Variants in ADSL observed in about 807,000 individuals in gnomAD.
ADSL encodes adenylosuccinate lyase.
Under a neutral mutation model 62.1 loss-of-function variants are expected in ADSL, and 44 were observed. The ratio of observed to expected loss-of-function variants is 0.71; its 90% CI spans 0.56 to 0.91. ADSL has a LOEUF of 0.91. Ranked by LOEUF, ADSL falls within the 40% of genes least tolerant of loss-of-function variation. The pLI, the probability that ADSL is intolerant of heterozygous loss-of-function variation, is 0.00. For synonymous variants in ADSL, 198 were observed against 220.5 expected, an observed-to-expected ratio of 0.90 and a Z score of 0.90; for missense variants, 531 against 627.4, an observed-to-expected ratio of 0.85 and a Z score of 1.64.
At chr22:40,378,710 G>A (rs1274855124) in intron 2 of ADSL, among the ~76,000 whole-genome samples, 1 of 152,032 alleles carries the variant, frequency 6.6e-6, no homozygotes, top group Non-Finnish European at 1.5e-5. Flanking sequence ...GGGTGACAGA[G>A]CGAGACTCTG....
At chr22:40,375,686 A>G (rs2046432428) in intron 2 of ADSL, among the ~76,000 whole-genome samples, 1 of 151,736 alleles carries the variant, frequency 6.6e-6, no homozygotes, top group Non-Finnish European at 1.5e-5. Flanking sequence ...TTTCACTACA[A>G]CAAAATTATG....
intron 2 of ADSL, among the ~76,000 whole-genome samples, chr22:40,384,681 A>G (rs966470725): frequency 2.0e-5 from 3 of 152,134 alleles, no homozygotes; most frequent in South Asian, 4.2e-4. Flanking sequence ...TCAGGAGGCT[A>G]AGGCGGGAGA....
chr22:40,353,020 A>G, intron 2 of ADSL, 53 bp from the exon 3 acceptor site: 1 of 1,518,812 alleles, frequency 6.6e-7, no homozygotes, highest in South Asian at 1.1e-5. Context: ...TTATGTAATA[A>G]TATTGTTTGA....
rs2045060609 is a variant in ADSL at position 40,368,385 on chromosome 22, T to C, written c.*1863T>C. On this transcript the variant is annotated 3_prime_UTR_variant, in exon 13 of 13. Transcript: ENST00000623063. ...AGGTTGCGATGATGCGCATTTACAGTCCCAGCTACTTGGGAAGCTGAGGCG... is the reference window on the plus strand; with the variant it reads ...AGGTTGCGATGATGCGCATTTACAGCCCCAGCTACTTGGGAAGCTGAGGCG... 6.6e-6 allele frequency: 1 copy of C among 152,140 alleles called. No homozygotes were observed. Among genetic ancestry groups the C allele is most frequent in the Non-Finnish European group, 1.5e-5 (1 of 68,026 alleles). The allele number at this position is 152,140 out of a possible 1,614,324, so 9.4% of individuals were successfully genotyped here. A position where few individuals can be genotyped will look rare whatever the true frequency, so the allele number is the denominator to read the frequency against.
Position 40,361,570 on chromosome 22 carries a change from C to G in ADSL, c.945C>G (p.Val315=). The G allele has an allele frequency of 6.2e-7, 1 of 1,614,200 alleles. No individual in the cohort carries two copies. Among genetic ancestry groups the G allele is most frequent in the Non-Finnish European group, 8.5e-7 (1 of 1,180,046 alleles). The change falls in exon 9 of 13, where the codon GTC becomes GTG. Residue 315 remains valine, a synonymous_variant. Coordinates refer to ENST00000623063, the MANE Select transcript of ADSL (RefSeq NM_000026.4). ...TTGCCCGCCACCTGATGACCCTTGT[C>G]ATGGACCCGCTACAGACAGCATCTG... ...CSLARHLMTL[V]MDPLQTASVQ... is the part of the protein sequence containing the mutation.
Position 40,358,897 on chromosome 22 carries a change from C to T in ADSL, c.516C>T (p.Cys172=). 6.2e-7 allele frequency: 1 copy of T among 1,614,162 alleles called. No individual in the cohort carries two copies. The highest frequency in any genetic ancestry group is 8.5e-7 in the Non-Finnish European group (1 of 1,180,036). ...AGCTGACCACAGTTGGGAAACGTTGCTGTCTTTGGATTCAGGATCTTTGCA... is the reference window on the plus strand; with the variant it reads ...AGCTGACCACAGTTGGGAAACGTTGTTGTCTTTGGATTCAGGATCTTTGCA... The part of the protein sequence containing the change: ...PAQLTTVGKR[C]CLWIQDLCMD... Residue 172 remains cysteine (C), a synonymous_variant, in exon 5 of 13, where the codon TGC becomes TGT. Coordinates refer to ENST00000623063, the MANE Select transcript of ADSL (RefSeq NM_000026.4).
chr22:40,366,209 C>T (rs2044998549), intron 12 of ADSL, among the ~76,000 whole-genome samples: 1 of 152,086 alleles, frequency 6.6e-6, no homozygotes, highest in African/African-American at 2.4e-5. Flanking sequence ...TGAGAGAACA[C>T]AGGCTGGGCC....
At chr22:40,385,455 A>T (rs2048262729) in intron 2 of ADSL, among the ~76,000 whole-genome samples, 1 of 152,190 alleles carries the variant, frequency 6.6e-6, no homozygotes. Flanking sequence ...ACAAAGGAAA[A>T]GAGTATAAAG....
intron 4 of ADSL, among the ~76,000 whole-genome samples, chr22:40,356,346 C>G (rs2044555954): frequency 6.6e-6 from 1 of 151,868 alleles, no homozygotes. Flanking sequence ...ACCAGCTTGG[C>G]CAACATGGTG....
intron 2 of ADSL, among the ~76,000 whole-genome samples, chr22:40,386,633 G>A (rs2048510650): frequency 1.4e-5 from 2 of 140,732 alleles, no homozygotes; most frequent in Non-Finnish European, 3.0e-5. Context: ...TGTTGCCCAG[G>A]CTGGTCTTGA....
At chr22:40,347,176 T>TATTAA (rs1336244708) in intron 1 of ADSL, 1 of 170,018 alleles carries the variant, frequency 5.9e-6, no homozygotes. Flanking sequence ...CCCATCCAGC[T>TATTAA]ATTAAGAACG....
downstream of ADSL, among the ~76,000 whole-genome samples, chr22:40,369,939 C>G (rs1293955690): frequency 3.9e-5 from 6 of 152,026 alleles, no homozygotes; most frequent in Non-Finnish European, 8.8e-5. Flanking sequence ...AGTGGAAGCA[C>G]GAGGGTTAGG....
At chr22:40,348,397 G>C in intron 1 of ADSL, 1 of 398,008 alleles carries the variant, frequency 2.5e-6, no homozygotes, top group Non-Finnish European at 4.4e-6. Context: ...ATATATTTAG[G>C]TTTTGAGACT....
chr22:40,371,145 C>T (rs1171471981), downstream of ADSL, among the ~76,000 whole-genome samples: 1 of 152,214 alleles, frequency 6.6e-6, no homozygotes, highest in Non-Finnish European at 1.5e-5. Flanking sequence ...AGAACCCGGG[C>T]TCGGATCCAG....
chr22:40,369,701 C>T (rs1460506431), downstream of ADSL, among the ~76,000 whole-genome samples: 1 of 151,956 alleles, frequency 6.6e-6, no homozygotes, highest in Non-Finnish European at 1.5e-5. Flanking sequence ...GACAGGGTCT[C>T]ACTCTGTTAA....
chr22:40,380,455 C>T (rs1189570434), intron 2 of ADSL, among the ~76,000 whole-genome samples: 2 of 151,632 alleles, frequency 1.3e-5, no homozygotes, highest in African/African-American at 4.9e-5. Context: ...TAACCTCCGC[C>T]TCCCGGGTTC....
chr22:40,375,592 A>G lies in ADSL; in HGVS notation c.89+9094A>G, dbSNP rs1055164372. The stretch of plus-strand genomic sequence containing the variant: ...TGAAACTCTGTCTCAAAAAAAAAAA[A>G]AGAGATTGACACCCCCAATTCAGTG... On this transcript the variant is annotated intron_variant, in intron 2 of 2. Coordinates refer to the ADSL transcript ENST00000498234. Among the ~76,000 whole-genome samples, 65 of 152,092 alleles carry G rather than the reference A, an allele frequency of 4.3e-4. 1 individual carries two copies. The highest frequency in any genetic ancestry group is 1.3e-3 in the African/African-American group (55 of 41,486).
rs748593655 is a variant in ADSL at position 40,366,489 on chromosome 22, C to T, written c.1422C>T (p.Ser474=). The T allele has an allele frequency of 6.8e-6, 11 of 1,613,134 alleles. No individual in the cohort carries two copies. The highest frequency in any genetic ancestry group is 8.5e-7 in the Non-Finnish European group (1 of 1,179,348). Residue 474 remains serine, a synonymous_variant, in exon 13 of 13, where the codon AGC becomes AGT. Transcript: ENST00000623063. ...EVYPLLKPYE[S]VMKVKAELCL ...ATCCCCTGTTAAAACCATATGAAAG[C>T]GTGATGAAGGTGAAAGCAGAATTAT...
At chr22:40,346,752 G>C in intron 1 of ADSL, 41 bp downstream of exon 1, 2 of 1,562,220 alleles carry the variant, frequency 1.3e-6, no homozygotes, top group Non-Finnish European at 1.7e-6. Flanking sequence ...GGGAGGGACG[G>C]GCCCGCCCCA....
Sources: gnomAD v4.1 joint callset for allele counts (sites outside exome capture counted in the v4.1 genomes callset) on GRCh38, gnomAD v4.1.1 for gene constraint, MANE v1.5 for transcripts, NCBI Gene and HGNC (gene_info 2026-07-23, HGNC 2026-07-21) for gene names.